The following RTTN variants were observed in gnomAD, a reference collection of about 807,000 sequenced individuals.
RTTN encodes rotatin.
In RTTN, 182 loss-of-function variants were observed where a neutral mutation model predicts 269.2. That is an observed-to-expected ratio of 0.68 (90% CI 0.60 to 0.76). The LOEUF is 0.76. Ranked by LOEUF, RTTN falls within the 30% of genes least tolerant of loss-of-function variation. The pLI is 0.00. For missense variants in RTTN, 2,545 were observed against 2,608.6 expected (o/e 0.98, Z 0.53); for synonymous variants, 1,006 against 963.5 (o/e 1.04, Z -0.82).
intron 27 of RTTN, among the ~76,000 whole-genome samples, chr18:70,112,531 A>T (rs1284207586): frequency 6.6e-6 from 1 of 151,100 alleles, no homozygotes; most frequent in Non-Finnish European, 1.5e-5. Context: ...TCTCTGATAC[A>T]AAAGACTTAA....
At chr18:70,058,041 A>T (rs549288237) in intron 36 of RTTN, among the ~76,000 whole-genome samples, 1 of 152,354 alleles carries the variant, frequency 6.6e-6, no homozygotes, top group East Asian at 1.9e-4. Flanking sequence ...ATCTTGTCAG[A>T]GAAAAGTGAG....
At chr18:70,195,409 T>G (rs1425402389) in intron 7 of RTTN, among the ~76,000 whole-genome samples, 2 of 152,198 alleles carry the variant, frequency 1.3e-5, no homozygotes, top group African/African-American at 4.8e-5. Flanking sequence ...TCAAGCAAAC[T>G]TGATTGTTTA....
intron 26 of RTTN, among the ~76,000 whole-genome samples, chr18:70,116,283 TA>T (rs1399673065): frequency 3.3e-5 from 5 of 151,980 alleles, no homozygotes; most frequent in Non-Finnish European, 7.4e-5. Flanking sequence ...TTAATTCTGA[TA>T]TGCTGATAAA....
intron 46 of RTTN, among the ~76,000 whole-genome samples, chr18:70,011,014 T>G (rs1479894323): frequency 1.3e-5 from 2 of 152,234 alleles, no homozygotes; most frequent in Admixed American, 1.3e-4. Flanking sequence ...CCTGGACACA[T>G]ACACCCTCCC....
chr18:70,023,396 T>C (rs748978966), intron 44 of RTTN, among the ~76,000 whole-genome samples: 2 of 152,224 alleles, frequency 1.3e-5, no homozygotes, highest in African/African-American at 2.4e-5. Context: ...CTACACTCCA[T>C]TGAATTCAAC....
At chr18:70,057,862 A>G in intron 36 of RTTN, 30 bp from the exon 37 acceptor site, 1 of 1,470,102 alleles carries the variant, frequency 6.8e-7, no homozygotes, top group Non-Finnish European at 9.5e-7. Flanking sequence ...AAAATCCTTC[A>G]GAAGATTAGT....
At chr18:70,005,470 C>T (rs539626481) in intron 47 of RTTN, 2 of 399,838 alleles carry the variant, frequency 5.0e-6, no homozygotes, top group African/African-American at 4.1e-5. Context: ...ATCCTCTTAT[C>T]TAACTTGATT....
intron 40 of RTTN, among the ~76,000 whole-genome samples, chr18:70,035,203 A>T (rs539082022): frequency 6.6e-6 from 1 of 152,348 alleles, no homozygotes; most frequent in Admixed American, 6.5e-5. Flanking sequence ...TCATAGAACT[A>T]GAAAAAACTT....
At chr18:70,141,016 G>A (rs2060244029) in intron 19 of RTTN, among the ~76,000 whole-genome samples, 1 of 151,858 alleles carries the variant, frequency 6.6e-6, no homozygotes, top group East Asian at 1.9e-4. Context: ...CCAATATAGT[G>A]CATACCAAAA....
chr18:70,188,726 AT>A (rs1455446543), intron 9 of RTTN, among the ~76,000 whole-genome samples: 1 of 152,226 alleles, frequency 6.6e-6, no homozygotes, highest in Admixed American at 6.5e-5. Flanking sequence ...TAAAGAAACT[AT>A]TTGTACTCAC....
intron 6 of RTTN, among the ~76,000 whole-genome samples, chr18:70,197,103 T>A (rs1170420910): frequency 2.0e-5 from 3 of 152,326 alleles, no homozygotes; most frequent in East Asian, 3.9e-4. Flanking sequence ...CTGGAGTCCA[T>A]TTCAGCCCTG....
chr18:70,109,389 T>A (rs1251052144), intron 28 of RTTN, 109 bp downstream of exon 28: 1 of 719,594 alleles, frequency 1.4e-6, no homozygotes, highest in Non-Finnish European at 2.3e-6. Context: ...CTTATATAAA[T>A]AATGTATAAT....
At position 70,192,625 on chromosome 18, in the gene RTTN, G is replaced by A. The variant is rs140379016; in HGVS notation, c.1007+663C>T. ...GAGCCCAGAAGTCAAGGCTATAATCGTGCCACTGCACTCCAGCCTAGGCAA... is the reference window on the plus strand; with the variant it reads ...GAGCCCAGAAGTCAAGGCTATAATCATGCCACTGCACTCCAGCCTAGGCAA... On this transcript the variant is annotated intron_variant, in intron 8 of 48. Transcript: ENST00000640769. Among the ~76,000 whole-genome samples, 1,060 of 147,128 alleles carry A rather than the reference G, an allele frequency of 7.2e-3. 10 individuals are homozygous for A. The highest frequency in any genetic ancestry group is 0.025 in the African/African-American group (996 of 39,762).
At chr18:70,197,761 T>C (rs1160873304) in intron 5 of RTTN, 23 bp from the exon 6 acceptor site, 2 of 1,428,414 alleles carry the variant, frequency 1.4e-6, no homozygotes, top group Admixed American at 1.7e-5. Flanking sequence ...GCGTTAATCA[T>C]TTTTAAGAAG....
At chr18:70,204,041 C>A in intron 3 of RTTN, 45 bp downstream of exon 3, 1 of 1,361,140 alleles carries the variant, frequency 7.3e-7, no homozygotes. Flanking sequence ...TAAAATTTAC[C>A]ATTAGAATTA....
intron 26 of RTTN, among the ~76,000 whole-genome samples, chr18:70,119,435 G>C (rs948450501): frequency 6.6e-6 from 1 of 151,950 alleles, no homozygotes; most frequent in African/African-American, 2.4e-5. Context: ...GAAAGGGGAG[G>C]GGAGGGAAGA....
At chr18:70,033,558 G>A (rs2057080928) in intron 40 of RTTN, among the ~76,000 whole-genome samples, 1 of 152,256 alleles carries the variant, frequency 6.6e-6, no homozygotes, top group South Asian at 2.1e-4. Context: ...CAGAATCTCT[G>A]GGACACAGCT....
intron 34 of RTTN, among the ~76,000 whole-genome samples, chr18:70,067,250 C>T (rs554588942): frequency 2.0e-4 from 31 of 151,536 alleles, no homozygotes; most frequent in African/African-American, 7.2e-4. Context: ...AGCTCCGCCT[C>T]CCGGGTTCAC....
intron 45 of RTTN, 72 bp downstream of exon 45, chr18:70,020,543 T>C (rs1467579193): frequency 1.5e-5 from 19 of 1,302,048 alleles, no homozygotes; most frequent in Non-Finnish European, 1.7e-5. Flanking sequence ...GAAATTGAGT[T>C]GTAAACTTTT....
Sources: allele counts gnomAD v4.1 joint callset (sites outside exome capture counted in the v4.1 genomes callset), GRCh38; gene constraint gnomAD v4.1.1; transcripts MANE v1.5; gene names NCBI Gene and HGNC (gene_info 2026-07-23, HGNC 2026-07-21).